Variants in PCNX2 observed in about 807,000 individuals in gnomAD.
PCNX2 encodes the protein pecanex 2.
PCNX2 carries 168 observed loss-of-function variants against 223.8 expected under a neutral mutation model. The observed-to-expected ratio is 0.75, with a 90% CI of 0.66 to 0.85. PCNX2 has a LOEUF of 0.85. Ranked by LOEUF, PCNX2 falls within the 40% of genes least tolerant of loss-of-function variation. The pLI is 0.00. For missense variants in PCNX2, 2,507 were observed against 2,675.5 expected, an observed-to-expected ratio of 0.94 and a Z score of 1.39; for synonymous variants, 1,006 against 1,052.6, an observed-to-expected ratio of 0.96 and a Z score of 0.86.
At chr1:233,219,198 T>C (rs1466566284) in intron 10 of PCNX2, among the ~76,000 whole-genome samples, 2 of 152,036 alleles carry the variant, frequency 1.3e-5, no homozygotes, top group Non-Finnish European at 2.9e-5. Flanking sequence ...CAGGGCTGGA[T>C]CATGTAGCCT....
intron 21 of PCNX2, among the ~76,000 whole-genome samples, chr1:233,130,263 T>G (rs892883929): frequency 1.2e-4 from 18 of 152,194 alleles, no homozygotes; most frequent in African/African-American, 4.1e-4. Context: ...TTGAAATCAG[T>G]GAGACCAAGA....
rs541995470 is a variant in PCNX2 at position 233,014,237 on chromosome 1, C to T, written c.4952+428G>A. Reference sequence around the variant, plus strand: ...CCAATTCATCAAAGCTCCAAGGAGACGGGGTGAAGTAGGGTCTGGACTAGA... The same window carrying T: ...CCAATTCATCAAAGCTCCAAGGAGATGGGGTGAAGTAGGGTCTGGACTAGA... On this transcript the variant is annotated intron_variant, in intron 28 of 33. Transcript: ENST00000258229. Among the ~76,000 whole-genome samples, 24 of 152,190 alleles carry T rather than the reference C, an allele frequency of 1.6e-4. No homozygotes were observed. The East Asian group carries it at 3.5e-3, about 22-fold the overall frequency.
intron 21 of PCNX2, among the ~76,000 whole-genome samples, chr1:233,105,395 T>G (rs1674707956): frequency 6.6e-6 from 1 of 152,198 alleles, no homozygotes; most frequent in Non-Finnish European, 1.5e-5. Flanking sequence ...AAAGAGTTCT[T>G]TTTAAACCTC....
In PCNX2 at chr1:233,253,444, A is replaced by G. The variant is rs1270291571; in HGVS notation, c.1835-656T>C. ...GCTGCAGCTTCAACCTCTTGGGCAC[A>G]AGTGACTCTCCTATCTCTGCCTCCC... On this transcript the variant is annotated intron_variant, in intron 5 of 33. Transcript: ENST00000258229. This position sits in a 1 kb window ranked among gnomAD's most constrained non-coding sequence, Gnocchi z 4.2. Among the ~76,000 whole-genome samples the G allele has an allele frequency of 6.6e-6, 1 of 152,204 alleles. No homozygotes were observed. The highest frequency in any genetic ancestry group is 2.4e-5 in the African/African-American group (1 of 41,448).
intron 15 of PCNX2, among the ~76,000 whole-genome samples, chr1:233,195,601 A>C (rs1413781922): frequency 7.2e-5 from 11 of 152,252 alleles, no homozygotes; most frequent in Admixed American, 7.2e-4. Flanking sequence ...TTTGTTTAGC[A>C]AGCTTGCAAG....
Position 233,139,940 on chromosome 1 carries a change from C to T in PCNX2, c.3518-85G>A. On this transcript the variant is annotated intron_variant, in intron 19 of 33. Transcript: ENST00000258229. The surrounding 1 kb of genome is among the most constrained non-coding windows in gnomAD (Gnocchi z 4.4). Reference sequence around the variant, plus strand: ...ACAGGTAATAATAAGTAATATTCCCCCCCTTTAATTCAAAAGCTGCTAATT... The same window carrying T: ...ACAGGTAATAATAAGTAATATTCCCTCCCTTTAATTCAAAAGCTGCTAATT... 2 of 1,465,078 alleles carry T rather than the reference C, an allele frequency of 1.4e-6. No individual in the cohort carries two copies. Among genetic ancestry groups the T allele is most frequent in the East Asian group, 2.3e-5 (1 of 42,620 alleles). The allele number at this position is 1,465,078 out of a possible 1,614,324, so 90.8% of individuals were successfully genotyped here.
chr1:233,157,112 A>G (rs1678181922), intron 19 of PCNX2, among the ~76,000 whole-genome samples: 1 of 152,202 alleles, frequency 6.6e-6, no homozygotes, highest in African/African-American at 2.4e-5. Context: ...TGGTAGTGTT[A>G]GCATGAGAAG....
At chr1:233,261,193 T>C in intron 4 of PCNX2, 92 bp downstream of exon 4, 1 of 1,201,744 alleles carries the variant, frequency 8.3e-7, no homozygotes, top group South Asian at 1.2e-5. Context: ...GTTCTTATTT[T>C]CAATTAATCC....
At chr1:233,147,681 A>G (rs1677543463) in intron 19 of PCNX2, among the ~76,000 whole-genome samples, 1 of 152,252 alleles carries the variant, frequency 6.6e-6, no homozygotes, top group Non-Finnish European at 1.5e-5. Flanking sequence ...TCAAGTGATT[A>G]AAACATTTAA....
At chr1:233,045,513 G>A (rs898831358) in intron 25 of PCNX2, among the ~76,000 whole-genome samples, 11 of 152,172 alleles carry the variant, frequency 7.2e-5, no homozygotes, top group African/African-American at 2.7e-4. Flanking sequence ...GGGCCTAATA[G>A]TTACAGCAGC....
intron 28 of PCNX2, among the ~76,000 whole-genome samples, chr1:233,003,359 C>A (rs1670161271): frequency 6.6e-6 from 1 of 152,192 alleles, no homozygotes; most frequent in African/African-American, 2.4e-5. Context: ...ACAGATACTT[C>A]TCAAAAGAAG....
rs775857461 is a variant in PCNX2 at position 233,258,173 on chromosome 1, T to C, written c.1689A>G (p.Leu563=). 5 of 1,613,868 alleles carry C rather than the reference T, an allele frequency of 3.1e-6. No homozygotes were observed. The African/African-American group carries it at 6.7e-5, about 22-fold the overall frequency. ...TTGGCATTTGTCCTTCCTTAGCCTC[T>C]AGGTCAGATTTGGAAGTTGGCATTG... The part of the protein sequence containing the change: ...EKTMPTSKSD[L]EAKEGQMPNE... Residue 563 remains leucine (L), a synonymous_variant, in exon 5 of 34, where the codon CTA becomes CTG. Coordinates refer to ENST00000258229, the MANE Select transcript of PCNX2 (RefSeq NM_014801.4).
At position 232,987,741 on chromosome 1, in the gene PCNX2, T is replaced by C. The variant is rs143543302; in HGVS notation, c.5792-1201A>G. 1.8e-3 allele frequency among the ~76,000 whole-genome samples: 279 copies of C among 152,246 alleles called. 1 individual carries two copies. Among genetic ancestry groups the C allele is most frequent in the Non-Finnish European group, 2.9e-3 (199 of 68,002 alleles). On this transcript the variant is annotated intron_variant, in intron 32 of 33. Coordinates refer to ENST00000258229, the MANE Select transcript of PCNX2 (RefSeq NM_014801.4). ...TTAGGGATACACATTACGAAGGGGA[T>C]TCCAGGGTTCCTTCCAGCCCCACCC...
chr1:233,196,193 C>T (rs968913180), intron 15 of PCNX2, among the ~76,000 whole-genome samples: 1 of 151,990 alleles, frequency 6.6e-6, no homozygotes, highest in East Asian at 1.9e-4. Flanking sequence ...TCATGTCATA[C>T]ACAAAAATCA....
intron 5 of PCNX2, among the ~76,000 whole-genome samples, chr1:233,255,016 T>A (rs1382342409): frequency 6.6e-6 from 1 of 152,144 alleles, no homozygotes; most frequent in African/African-American, 2.4e-5. Flanking sequence ...AAACTATTCA[T>A]AAACGTAGAA....
At chr1:233,324,053 A>C in the PCNX2 span, among the ~76,000 whole-genome samples, 2 of 152,276 alleles carry the variant, frequency 1.3e-5, no homozygotes, top group African/African-American at 4.8e-5. Flanking sequence ...AAATTTTAGC[A>C]GTCTGGATAA....
At chr1:233,013,334 C>T (rs1670533499) in intron 28 of PCNX2, among the ~76,000 whole-genome samples, 1 of 152,154 alleles carries the variant, frequency 6.6e-6, no homozygotes, top group Non-Finnish European at 1.5e-5. Flanking sequence ...CTACTGCCTC[C>T]AGAGGAAAAT....
intron 9 of PCNX2, chr1:233,231,757 T>C: frequency 5.5e-6 from 4 of 729,704 alleles, no homozygotes; most frequent in Non-Finnish European, 6.7e-6. Context: ...TGGTAGGGAC[T>C]CTGGTGTTAG....
chr1:233,311,106 T>C, the PCNX2 span, among the ~76,000 whole-genome samples: 2 of 152,212 alleles, frequency 1.3e-5, no homozygotes, highest in Non-Finnish European at 2.9e-5. Context: ...CTGAACTGAG[T>C]TCCTGCCCAA....
Sources: allele counts gnomAD v4.1 joint callset (sites outside exome capture counted in the v4.1 genomes callset), GRCh38; gene constraint gnomAD v4.1.1; non-coding constraint Gnocchi (gnomAD v3.1); transcripts MANE v1.5; gene names NCBI Gene and HGNC (gene_info 2026-07-23, HGNC 2026-07-21).